DLG2: variants seen among roughly 807,000 people sequenced by gnomAD.
DLG2 encodes the protein discs large MAGUK scaffold protein 2.
Under a neutral mutation model 132.5 loss-of-function variants are expected in DLG2, and 45 were observed. The ratio of observed to expected loss-of-function variants is 0.34; its 90% CI spans 0.27 to 0.44. The LOEUF is 0.44. DLG2 is among the 20% of genes least tolerant of loss of function. DLG2 has a pLI of 1.00. For synonymous variants in DLG2, 424 were observed against 419.6 expected, an observed-to-expected ratio of 1.01 and a Z score of -0.13; for missense variants, 1,045 against 1,196.9, an observed-to-expected ratio of 0.87 and a Z score of 1.87.
At chr11:84,099,401 G>A (rs2092198392) in intron 9 of DLG2, among the ~76,000 whole-genome samples, 1 of 152,074 alleles carries the variant, frequency 6.6e-6, no homozygotes, top group South Asian at 2.1e-4. Flanking sequence ...ACATTTATAT[G>A]AAAGAGGAAG....
At chr11:84,499,701 C>T (rs968193412) in intron 7 of DLG2, among the ~76,000 whole-genome samples, 3 of 151,976 alleles carry the variant, frequency 2.0e-5, no homozygotes, top group Non-Finnish European at 4.4e-5. Flanking sequence ...ATTTTTTTCA[C>T]TGTTCTCTCT....
At chr11:83,634,070 G>T (rs1257026186) in intron 18 of DLG2, among the ~76,000 whole-genome samples, 10 of 152,050 alleles carry the variant, frequency 6.6e-5, no homozygotes, top group Non-Finnish European at 1.0e-4. Context: ...AGAGTTTGGT[G>T]ATGAATTGTG....
chr11:85,281,079 A>G (rs2078193597), intron 4 of DLG2, among the ~76,000 whole-genome samples: 1 of 152,012 alleles, frequency 6.6e-6, no homozygotes. Flanking sequence ...GTTTAAGGTG[A>G]GCAGCTAGAA....
chr11:83,631,681 A>G (rs777300075), intron 19 of DLG2: 27 of 152,214 alleles, frequency 1.8e-4, no homozygotes, highest in Non-Finnish European at 3.2e-4. Flanking sequence ...ATTTCAGCAA[A>G]TTTCTTCTAG....
intron 5 of DLG2, among the ~76,000 whole-genome samples, chr11:85,153,322 C>T (rs2077385805): frequency 6.6e-6 from 1 of 152,088 alleles, no homozygotes; most frequent in South Asian, 2.1e-4. Flanking sequence ...AAGGTATTTT[C>T]TTAGTTGTTC....
chr11:83,540,630 A>C (rs2096038850), intron 20 of DLG2, among the ~76,000 whole-genome samples: 1 of 152,070 alleles, frequency 6.6e-6, no homozygotes, highest in African/African-American at 2.4e-5. Flanking sequence ...TACCCCACAG[A>C]GTTATTCTGA....
intron 3 of DLG2, among the ~76,000 whole-genome samples, chr11:85,403,724 G>C (rs1464233005): frequency 6.6e-6 from 1 of 151,868 alleles, no homozygotes; most frequent in Non-Finnish European, 1.5e-5. Context: ...CAGGATGATG[G>C]CATGAGCCTC....
chr11:83,529,205 A>G (rs1032109545), intron 21 of DLG2, among the ~76,000 whole-genome samples: 3 of 152,084 alleles, frequency 2.0e-5, no homozygotes, highest in Non-Finnish European at 4.4e-5. Flanking sequence ...TTTATGCTGA[A>G]TTTATCCCAA....
intron 19 of DLG2, among the ~76,000 whole-genome samples, chr11:83,587,631 T>C (rs549058351): frequency 1.4e-4 from 21 of 152,178 alleles, no homozygotes; most frequent in Non-Finnish European, 2.1e-4. Context: ...TATGTATCTA[T>C]AGAATTTATA....
At chr11:84,728,061 C>T (rs868667424) in intron 6 of DLG2, among the ~76,000 whole-genome samples, 1 of 152,154 alleles carries the variant, frequency 6.6e-6, no homozygotes, top group African/African-American at 2.4e-5. Context: ...TTCCTCTCTT[C>T]CTATCTGAAT....
At chr11:84,010,654 C>G (rs1323992755) in intron 11 of DLG2, among the ~76,000 whole-genome samples, 1 of 152,016 alleles carries the variant, frequency 6.6e-6, no homozygotes, top group African/African-American at 2.4e-5. Flanking sequence ...AAAGTCCTAG[C>G]TCCTTTCTCA....
At chr11:85,603,714 G>A (rs919497542) in intron 2 of DLG2, among the ~76,000 whole-genome samples, 6 of 152,040 alleles carry the variant, frequency 3.9e-5, no homozygotes, top group Non-Finnish European at 8.8e-5. Context: ...CCGGGAGTTC[G>A]AGACCAGCCT....
At chr11:85,186,103 A>AT (rs1174076717) in intron 4 of DLG2, among the ~76,000 whole-genome samples, 1 of 152,086 alleles carries the variant, frequency 6.6e-6, no homozygotes, top group East Asian at 1.9e-4. Context: ...TACACTGTAG[A>AT]TTTTCTGAAC....
At chr11:84,616,800 T>C (rs891837164) in intron 6 of DLG2, among the ~76,000 whole-genome samples, 8 of 152,110 alleles carry the variant, frequency 5.3e-5, no homozygotes, top group African/African-American at 1.7e-4. Context: ...AAATGTAATA[T>C]AAATTTAAGG....
chr11:84,197,433 C>G (rs559872055), intron 8 of DLG2, among the ~76,000 whole-genome samples: 9 of 152,186 alleles, frequency 5.9e-5, no homozygotes, highest in Non-Finnish European at 1.3e-4. Flanking sequence ...AATTTGTTCT[C>G]CAGAAGTTAA....
At chr11:83,984,273 T>G (rs1349363808) in intron 11 of DLG2, among the ~76,000 whole-genome samples, 1 of 152,204 alleles carries the variant, frequency 6.6e-6, no homozygotes, top group East Asian at 1.9e-4. Flanking sequence ...ATTGGGTTTA[T>G]GTGCTTCTTT....
intron 19 of DLG2, among the ~76,000 whole-genome samples, chr11:83,586,499 C>T (rs1354265944): frequency 6.6e-6 from 1 of 152,166 alleles, no homozygotes; most frequent in African/African-American, 2.4e-5. Flanking sequence ...AATGAAATAA[C>T]TGTGTCTATA....
At chr11:84,434,402 T>C (rs1227303169) in intron 7 of DLG2, among the ~76,000 whole-genome samples, 1 of 152,012 alleles carries the variant, frequency 6.6e-6, no homozygotes, top group Admixed American at 6.6e-5. Flanking sequence ...TCTAGAAGAA[T>C]GATGAGTGGA....
chr11:84,370,504 C>T (rs2098701767), intron 7 of DLG2, among the ~76,000 whole-genome samples: 1 of 152,144 alleles, frequency 6.6e-6, no homozygotes, highest in African/African-American at 2.4e-5. Flanking sequence ...TTAGAAATCA[C>T]TTATCCACAT....
Sources: allele counts gnomAD v4.1 joint callset (sites outside exome capture counted in the v4.1 genomes callset), GRCh38; gene constraint gnomAD v4.1.1; transcripts MANE v1.5; gene names NCBI Gene and HGNC (gene_info 2026-07-23, HGNC 2026-07-21).